The following ACSM1 variants were observed in gnomAD, a reference collection of about 807,000 sequenced individuals.
The protein encoded by ACSM1 is acyl-coenzyme A synthetase ACSM1, mitochondrial.
In ACSM1, 79 loss-of-function variants were observed where a neutral mutation model predicts 75.8. The ratio of observed to expected loss-of-function variants is 1.04; its 90% confidence interval spans 0.87 to 1.26. ACSM1 has a LOEUF of 1.26. ACSM1 is among the 50% of genes most tolerant of loss of function. The probability of loss-of-function intolerance (pLI) is 0.00; values close to 1 mark genes in which losing one functional copy is unlikely to be tolerated. For missense variants in ACSM1, 676 were observed against 720.1 expected, an observed-to-expected ratio of 0.94 and a Z score of 0.70; for synonymous variants, 279 against 265.8, an observed-to-expected ratio of 1.05 and a Z score of -0.48.
intron 10 of ACSM1, among the ~76,000 whole-genome samples, chr16:20,629,700 A>C (rs576762613): frequency 3.9e-5 from 6 of 152,232 alleles, no homozygotes; most frequent in Admixed American, 2.0e-4. Context: ...TTAGATTTAA[A>C]GACACGAATT....
chr16:20,696,493 T>C (rs2152347422), intron 1 of ACSM1, among the ~76,000 whole-genome samples: 1 of 152,368 alleles, frequency 6.6e-6, no homozygotes, highest in African/African-American at 2.4e-5. Flanking sequence ...CCACAAATTA[T>C]CTGAGTTATA....
intron 10 of ACSM1, among the ~76,000 whole-genome samples, chr16:20,629,043 CTTAGT>C (rs1420430778): frequency 6.6e-6 from 1 of 152,140 alleles, no homozygotes; most frequent in Non-Finnish European, 1.5e-5. Flanking sequence ...CAAGTTGATT[CTTAGT>C]TTAGTGCTGA....
At chr16:20,647,414 TA>T (rs2018427352) in intron 7 of ACSM1, among the ~76,000 whole-genome samples, 1 of 152,138 alleles carries the variant, frequency 6.6e-6, no homozygotes. Context: ...GAGACCCTAA[TA>T]GTTAGGCAGG....
intron 4 of ACSM1, among the ~76,000 whole-genome samples, chr16:20,675,639 A>T (rs375105074): frequency 6.6e-6 from 1 of 152,250 alleles, no homozygotes; most frequent in East Asian, 1.9e-4. Flanking sequence ...TCAAAAGTTA[A>T]GGACATACTG....
In ACSM1 at chr16:20,636,789, C is replaced by T; in HGVS notation, c.1249G>A (p.Gly417Ser). The T allele has an allele frequency of 6.2e-7, 1 of 1,614,030 alleles. No individual in the cohort carries two copies. The highest frequency in any genetic ancestry group is 8.5e-7 in the Non-Finnish European group (1 of 1,180,000). Residue 417 changes from glycine to serine, a missense_variant, in exon 10 of 14, where the codon GGC (glycine) becomes AGC (serine). Transcript: ENST00000520010. ...GGCCTGACAGGTTTGATTCTGATGC[C>T]AATGTTTCCTTCTGTGTTAGGTGGC... Reference protein sequence around the residue: ...ILPPNTEGNIGIRIKPVRPVS... With the variant: ...ILPPNTEGNISIRIKPVRPVS...
intron 7 of ACSM1, among the ~76,000 whole-genome samples, chr16:20,643,970 T>C (rs539894405): frequency 6.6e-6 from 1 of 152,310 alleles, no homozygotes; most frequent in East Asian, 1.9e-4. Context: ...GACAATCTTT[T>C]AGCTAGACAC....
intron 7 of ACSM1, among the ~76,000 whole-genome samples, chr16:20,650,364 C>T (rs2018580777): frequency 6.6e-6 from 1 of 152,110 alleles, no homozygotes. Context: ...AAAGGTGCCC[C>T]TGGGTGATCA....
intron 7 of ACSM1, among the ~76,000 whole-genome samples, chr16:20,659,665 A>C (rs756652628): frequency 6.6e-6 from 1 of 152,152 alleles, no homozygotes; most frequent in Non-Finnish European, 1.5e-5. Context: ...TCTATAGAGA[A>C]TCCACTTTCC....
chr16:20,690,979 T>A lies in ACSM1; in HGVS notation c.192+18A>T. 6.2e-7 allele frequency: 1 copy of A among 1,601,102 alleles called. No individual in the cohort carries two copies. Among genetic ancestry groups the A allele is most frequent in the Non-Finnish European group, 8.5e-7 (1 of 1,175,478 alleles). ...GGCCACCCTTGTTCTTATATCGCCA[T>A]CACGGCAGATCTCTTACCTTCTCCT... On this transcript the variant is annotated intron_variant, in intron 2 of 13. Transcript: ENST00000520010.
At chr16:20,672,471 A>AAATATATAT (rs1555473775) in intron 4 of ACSM1, among the ~76,000 whole-genome samples, 3 of 64,574 alleles carry the variant, frequency 4.6e-5, no homozygotes, top group African/African-American at 6.1e-5. Flanking sequence ...AAAAAAAAAA[A>AAATATATAT]ATATATATAT....
chr16:20,659,930 C>T lies in ACSM1; in HGVS notation c.992+1864G>A, dbSNP rs144374430. ...AATTTACCTATAACCTGAAAGACCC[C>T]GCTTTGCATTGTCCTGCCTTTCTGA... On this transcript the variant is annotated intron_variant, in intron 7 of 13. Transcript: ENST00000520010. Among the ~76,000 whole-genome samples, 137 of 152,230 alleles carry T rather than the reference C, an allele frequency of 9.0e-4. 4 individuals carry two copies. In the East Asian group the frequency reaches 0.023, roughly 26 times the overall value.
intron 7 of ACSM1, among the ~76,000 whole-genome samples, chr16:20,645,395 C>T (rs1242587684): frequency 1.3e-5 from 2 of 152,130 alleles, no homozygotes; most frequent in Non-Finnish European, 2.9e-5. Flanking sequence ...AAAAACACCC[C>T]TAAGATGTAT....
At chr16:20,682,910 C>T (rs990262997) in intron 3 of ACSM1, among the ~76,000 whole-genome samples, 1 of 152,070 alleles carries the variant, frequency 6.6e-6, no homozygotes, top group African/African-American at 2.4e-5. Flanking sequence ...CTCTTTCCTT[C>T]ATTCTGTATT....
At chr16:20,626,466 G>T (rs140686098) in intron 11 of ACSM1, among the ~76,000 whole-genome samples, 178 of 152,142 alleles carry the variant, frequency 1.2e-3, no homozygotes, top group Non-Finnish European at 1.8e-3. Flanking sequence ...ATCATGTAGG[G>T]GTAGGGACAG....
intron 6 of ACSM1, among the ~76,000 whole-genome samples, chr16:20,669,474 ACAC>A (rs1333516339): frequency 8.4e-4 from 127 of 151,512 alleles, no homozygotes; most frequent in Non-Finnish European, 1.3e-3. Flanking sequence ...ACACACACAC[ACAC>A]ACACACCCCA....
At chr16:20,664,929 G>A (rs906306011) in intron 6 of ACSM1, among the ~76,000 whole-genome samples, 2 of 151,998 alleles carry the variant, frequency 1.3e-5, no homozygotes, top group African/African-American at 4.8e-5. Context: ...AGTCAAAAAA[G>A]TTTCTGAAAT....
chr16:20,624,986 A>G (rs2935289), intron 12 of ACSM1, among the ~76,000 whole-genome samples: 69,968 of 151,892 alleles, frequency 0.46, 18,501 homozygotes, highest in East Asian at 0.86. Flanking sequence ...CTCCCAAAAC[A>G]TTGGAATTAC....
chr16:20,681,424 G>T (rs545872379), intron 4 of ACSM1: 1 of 152,276 alleles, frequency 6.6e-6, no homozygotes, highest in African/African-American at 2.4e-5. Flanking sequence ...GGTCCTAATG[G>T]TCCCTGGATT....
intron 5 of ACSM1, 45 bp from the exon 6 acceptor site, chr16:20,670,031 T>G (rs773076959): frequency 1.3e-6 from 2 of 1,597,590 alleles, no homozygotes; most frequent in Admixed American, 1.7e-5. Flanking sequence ...TCATGGCTGA[T>G]GTGATGAAGG....
Sources: allele counts gnomAD v4.1 joint callset (sites outside exome capture counted in the v4.1 genomes callset), GRCh38; gene constraint gnomAD v4.1.1; transcripts MANE v1.5; gene names NCBI Gene and HGNC (gene_info 2026-07-23, HGNC 2026-07-21).